Variants in GNB1L observed in about 807,000 individuals in gnomAD.
GNB1L encodes guanine nucleotide-binding protein subunit beta-like protein 1.
Under a neutral mutation model 29.1 loss-of-function variants are expected in GNB1L, and 20 were observed. The observed-to-expected ratio is 0.69, with a 90% confidence interval of 0.48 to 1.00. The LOEUF (loss-of-function observed/expected upper bound fraction) is 1.00, where lower values mean the gene tolerates loss of function less well. Among genes scored for constraint, GNB1L ranks in the 50% least tolerant of loss-of-function variants. GNB1L has a pLI of 0.00. For missense variants in GNB1L, 421 were observed against 464.9 expected (o/e 0.91, Z 0.87); for synonymous variants, 193 against 206.5 (o/e 0.93, Z 0.56).
rs543279416 is a variant in GNB1L, at chr22:19,853,498, ACT to A, written c.-21+943_-21+944del. Among the ~76,000 whole-genome samples, 734 of 151,870 alleles carry A rather than the reference ACT, an allele frequency of 4.8e-3. 3 individuals are homozygous for A. The highest frequency in any genetic ancestry group is 0.014 in the Middle Eastern group (4 of 294). On this transcript the variant is annotated intron_variant, in intron 2 of 7. Coordinates refer to ENST00000329517, the MANE Select transcript of GNB1L (RefSeq NM_053004.3). ...GAGGCCCACTCACGACCTCCAGGAA[ACT>A]CTCTGCTTCACCCCACACACAAACG...
chr22:19,838,246 G>C (rs73379979), intron 2 of GNB1L, among the ~76,000 whole-genome samples: 1 of 152,072 alleles, frequency 6.6e-6, no homozygotes, highest in Admixed American at 6.6e-5. Flanking sequence ...AGCACAAAAG[G>C]CAACTCAACA....
rs1317003779 is a variant in GNB1L at position 19,783,473 on chromosome 22, C to CTA, written c.*5234_*5235dup. The stretch of plus-strand genomic sequence containing the variant: ...GCTGAGGCAGGAGGATCACTTGAGC[C>CTA]TATTAGTTGGAGGCTGCAGTAAGCT... On this transcript the variant is annotated 3_prime_UTR_variant, in exon 8 of 8. Transcript: ENST00000329517. 1.1e-5 allele frequency: 3 copies of CTA among 268,814 alleles called. No homozygotes were observed. The highest frequency in any genetic ancestry group is 6.7e-5 in the African/African-American group (3 of 44,986). The allele number at this position is 268,814 out of a possible 1,614,324, so 16.7% of individuals were successfully genotyped here.
chr22:19,809,651 C>A (rs1040275277), intron 5 of GNB1L, among the ~76,000 whole-genome samples: 10 of 152,206 alleles, frequency 6.6e-5, no homozygotes, highest in African/African-American at 2.4e-4. Context: ...TCACAGCCTG[C>A]CTGTCTGTAT....
chr22:19,801,592 C>A (rs1937372097), intron 7 of GNB1L, among the ~76,000 whole-genome samples: 1 of 152,082 alleles, frequency 6.6e-6, no homozygotes, highest in East Asian at 1.9e-4. Context: ...GAGCAATGGC[C>A]TCCCTCGGGC....
At position 19,788,238 on chromosome 22, in the gene GNB1L, A is replaced by G; in HGVS notation, c.*471T>C. On this transcript the variant is annotated 3_prime_UTR_variant, in exon 8 of 8. Coordinates refer to ENST00000329517, the MANE Select transcript of GNB1L (RefSeq NM_053004.3). ...GGGTCATGTGGACATCGACGCAGCT[A>G]TGGTTGGGGCCTATCATCTCCTGAG... The G allele has an allele frequency of 5.9e-6, 2 of 341,674 alleles. No homozygotes were observed. Among genetic ancestry groups the G allele is most frequent in the East Asian group, 5.4e-5 (1 of 18,426 alleles). 21.2% of individuals were successfully genotyped at this position (341,674 alleles called of 1,614,324 possible). A position where few individuals can be genotyped will look rare whatever the true frequency, so the allele number is the denominator to read the frequency against.
chr22:19,820,525 C>T (rs1937569500), intron 4 of GNB1L, 73 bp downstream of exon 4: 2 of 1,497,130 alleles, frequency 1.3e-6, no homozygotes, highest in African/African-American at 1.4e-5. Context: ...CAGTGGGGGA[C>T]ACCAGAGCCT....
At chr22:19,810,186 G>T (rs1032514016) in intron 5 of GNB1L, among the ~76,000 whole-genome samples, 3 of 152,222 alleles carry the variant, frequency 2.0e-5, no homozygotes, top group Non-Finnish European at 2.9e-5. Flanking sequence ...GCCGCCCTGA[G>T]CACACCTGTG....
At position 19,783,567 on chromosome 22, in the gene GNB1L, GAAAA is replaced by G. The variant is rs1937163017; in HGVS notation, c.*5138_*5141del. 6.1e-6 allele frequency: 1 copy of G among 163,334 alleles called. No homozygotes were observed. Among genetic ancestry groups the G allele is most frequent in the Non-Finnish European group, 1.3e-5 (1 of 75,744 alleles). The allele number at this position is 163,334 out of a possible 1,614,324, so 10.1% of individuals were successfully genotyped here. On this transcript the variant is annotated 3_prime_UTR_variant, in exon 8 of 8. Transcript: ENST00000329517. The stretch of plus-strand genomic sequence containing the variant: ...CCCCACTGTCCCTGGTCTCTTAAAA[GAAAA>G]AACAAACAAACAAACCAAAAAACAA...
At chr22:19,821,152 G>A in intron 3 of GNB1L, 76 bp downstream of exon 3, 1 of 1,451,642 alleles carries the variant, frequency 6.9e-7, no homozygotes, top group Non-Finnish European at 9.4e-7. Context: ...CCTCAAACAA[G>A]CGCTGGGCTC....
intron 2 of GNB1L, chr22:19,847,694 G>A (rs895040629): frequency 4.9e-5 from 48 of 983,418 alleles, no homozygotes; most frequent in Admixed American, 6.2e-5. Flanking sequence ...GAATTGTTAC[G>A]TGGTCAAATT....
chr22:19,797,565 C>A (rs2145864165), intron 7 of GNB1L, among the ~76,000 whole-genome samples: 1 of 152,324 alleles, frequency 6.6e-6, no homozygotes, highest in South Asian at 2.1e-4. Context: ...GTGGGAGGAG[C>A]CTCGCCTGGC....
intron 2 of GNB1L, chr22:19,851,942 A>G (rs962297037): frequency 6.2e-7 from 1 of 1,614,130 alleles, no homozygotes; most frequent in Non-Finnish European, 8.5e-7. Flanking sequence ...GGAGCCATCA[A>G]AGGTGCCTGG....
At chr22:19,802,471 G>C (rs1050386727) in intron 6 of GNB1L, among the ~76,000 whole-genome samples, 3 of 152,210 alleles carry the variant, frequency 2.0e-5, no homozygotes, top group African/African-American at 7.2e-5. Context: ...GTGGAGGGCA[G>C]AGAGCCAAGC....
chr22:19,846,080 G>A (rs1937953137), intron 2 of GNB1L: 2 of 152,220 alleles, frequency 1.3e-5, no homozygotes, highest in Non-Finnish European at 2.9e-5. Flanking sequence ...AGGTGAAATG[G>A]GATCCCCTGT....
intron 7 of GNB1L, among the ~76,000 whole-genome samples, chr22:19,790,983 C>A (rs1937247082): frequency 6.6e-6 from 1 of 152,084 alleles, no homozygotes; most frequent in Admixed American, 6.5e-5. Context: ...ATAATCCCAG[C>A]ACTTTGGGAG....
chr22:19,799,912 G>A (rs775444716), intron 7 of GNB1L, among the ~76,000 whole-genome samples: 1 of 152,214 alleles, frequency 6.6e-6, no homozygotes, highest in Admixed American at 6.5e-5. Context: ...AGAGGGTGGC[G>A]CATCAGCCTC....
intron 5 of GNB1L, among the ~76,000 whole-genome samples, chr22:19,811,546 G>A (rs750684973): frequency 2.0e-5 from 3 of 152,062 alleles, no homozygotes; most frequent in Non-Finnish European, 2.9e-5. Context: ...CGCACATCTT[G>A]GGCACCCCTC....
rs991426096 is a variant in GNB1L, at chr22:19,788,318, G to A, written c.*391C>T. 4 of 540,290 alleles carry A rather than the reference G, an allele frequency of 7.4e-6. No individual in the cohort carries two copies. Among genetic ancestry groups the A allele is most frequent in the African/African-American group, 5.7e-5 (3 of 52,796 alleles). 33.5% of individuals were successfully genotyped at this position (540,290 alleles called of 1,614,324 possible). A position where few individuals can be genotyped will look rare whatever the true frequency, so the allele number is the denominator to read the frequency against. On this transcript the variant is annotated 3_prime_UTR_variant, in exon 8 of 8. Transcript: ENST00000329517. ...GGCCCATTCAACAGCAGGTGTGAGG[G>A]TGGGGCTGAGCATCCTGCCTGGTGG... is the stretch of plus-strand genomic sequence containing the variant.
At chr22:19,806,925 G>A (rs1937443551) in intron 5 of GNB1L, among the ~76,000 whole-genome samples, 168 bp from the exon 6 acceptor site, 1 of 152,226 alleles carries the variant, frequency 6.6e-6, no homozygotes, top group South Asian at 2.1e-4. Flanking sequence ...ATGGGCCCTT[G>A]CAAAACGCTC....
Sources: gnomAD v4.1 joint callset for allele counts (sites outside exome capture counted in the v4.1 genomes callset) on GRCh38, gnomAD v4.1.1 for gene constraint, MANE v1.5 for transcripts, NCBI Gene and HGNC (gene_info 2026-07-23, HGNC 2026-07-21) for gene names.